RBMS3: variants seen among roughly 807,000 people sequenced by gnomAD.
RBMS3 encodes RNA binding motif single stranded interacting protein 3, also known as RNA-binding motif, single-stranded-interacting protein 3.
RBMS3 carries 27 observed loss-of-function variants against 66.8 expected under a neutral mutation model. The ratio of observed to expected loss-of-function variants is 0.40; its 90% CI spans 0.30 to 0.56. The LOEUF (loss-of-function observed/expected upper bound fraction) is 0.56, where lower values mean the gene tolerates loss of function less well. Among genes scored for constraint, RBMS3 ranks in the 20% least tolerant of loss-of-function variants. The probability of loss-of-function intolerance (pLI) is 0.40; values close to 1 mark genes in which losing one functional copy is unlikely to be tolerated. For synonymous variants in RBMS3, 188 were observed against 183.0 expected (o/e 1.03, Z -0.22); for missense variants, 513 against 549.5 (o/e 0.93, Z 0.66).
chr3:29,979,303 T>C (rs12638100), intron 12 of RBMS3, among the ~76,000 whole-genome samples: 3,931 of 152,314 alleles, frequency 0.026, 122 homozygotes, highest in East Asian at 0.17. Context: ...GTGAATTGCA[T>C]GACAGGCAGT....
At position 29,527,181 on chromosome 3, in the gene RBMS3, T is replaced by TTAAAAAAAAAAAAAAAAAA. The variant is rs1491567884; in HGVS notation, c.307+38682_307+38683insTAAAAAAAAAAAAAAAAAA. The stretch of plus-strand genomic sequence containing the variant: ...TTTCAGACGTGATTGTTAGGTAGAG[T>TTAAAAAAAAAAAAAAAAAA]AAAAAAAAAAAAAAAAAAAAAAAAA... On this transcript the variant is annotated intron_variant, in intron 3 of 14. Transcript: ENST00000383767. 2.4e-3 allele frequency among the ~76,000 whole-genome samples: 213 copies of TTAAAAAAAAAAAAAAAAAA among 87,816 alleles called. 29 individuals carry two copies. The highest frequency in any genetic ancestry group is 5.9e-3 in the African/African-American group (124 of 21,070). The allele number at this position is 87,816 out of a possible 152,430, so 57.6% of individuals were successfully genotyped here.
At chr3:29,471,977 A>G (rs899243460) in intron 2 of RBMS3, among the ~76,000 whole-genome samples, 17 of 152,064 alleles carry the variant, frequency 1.1e-4, no homozygotes, top group Non-Finnish European at 1.8e-4. Flanking sequence ...CTCCATGTCT[A>G]TGTATCTCAT....
chr3:29,869,504 T>C (rs1400928632), intron 7 of RBMS3, among the ~76,000 whole-genome samples: 1 of 152,078 alleles, frequency 6.6e-6, no homozygotes, highest in Non-Finnish European at 1.5e-5. Flanking sequence ...AAATAAGATA[T>C]TGTCTTGGTC....
intron 1 of RBMS3, among the ~76,000 whole-genome samples, chr3:29,359,567 A>C (rs1048564874): frequency 6.6e-6 from 1 of 152,078 alleles, no homozygotes; most frequent in African/African-American, 2.4e-5. Context: ...TCATAAAGTG[A>C]GTTAGGGAGG....
At chr3:29,923,555 C>G (rs746221082) in intron 10 of RBMS3, among the ~76,000 whole-genome samples, 2 of 151,962 alleles carry the variant, frequency 1.3e-5, no homozygotes, top group Non-Finnish European at 2.9e-5. Context: ...GCTGACCGTT[C>G]ATTTCCTTGC....
At chr3:29,328,727 C>G (rs2125508302) in intron 1 of RBMS3, among the ~76,000 whole-genome samples, 1 of 152,226 alleles carries the variant, frequency 6.6e-6, no homozygotes, top group East Asian at 1.9e-4. Flanking sequence ...TGGGTTAGAT[C>G]TCTCATAAAG....
intron 4 of RBMS3, among the ~76,000 whole-genome samples, chr3:29,704,160 A>C (rs1414621212): frequency 6.6e-6 from 1 of 152,220 alleles, no homozygotes; most frequent in East Asian, 1.9e-4. Flanking sequence ...ATGTAATAGA[A>C]ATAAACTGCA....
chr3:29,654,610 T>A (rs561517294), intron 4 of RBMS3, among the ~76,000 whole-genome samples: 13 of 150,938 alleles, frequency 8.6e-5, no homozygotes, highest in South Asian at 2.1e-4. Flanking sequence ...TTTTTTTTTT[T>A]GAGAGAGTTT....
chr3:29,389,861 A>G (rs778932455), intron 1 of RBMS3, among the ~76,000 whole-genome samples: 3 of 152,098 alleles, frequency 2.0e-5, no homozygotes, highest in Admixed American at 6.5e-5. Context: ...TTGAGTGCTT[A>G]TTAGTGGTAG....
chr3:29,608,636 G>A (rs2048390675), intron 4 of RBMS3, among the ~76,000 whole-genome samples: 1 of 151,966 alleles, frequency 6.6e-6, no homozygotes, highest in African/African-American at 2.4e-5. Flanking sequence ...CTGCATGCAT[G>A]TATTAAACTG....
chr3:29,517,965 T>C (rs1324228798), intron 3 of RBMS3, among the ~76,000 whole-genome samples: 2 of 152,216 alleles, frequency 1.3e-5, no homozygotes, highest in African/African-American at 4.8e-5. Context: ...ATAATCATTC[T>C]TGTAGCTTTT....
chr3:29,539,223 CA>C (rs780354168), intron 3 of RBMS3, among the ~76,000 whole-genome samples: 1 of 151,848 alleles, frequency 6.6e-6, no homozygotes, highest in East Asian at 1.9e-4. Context: ...ATTGTCGATG[CA>C]AAAAAATAAA....
chr3:29,701,282 G>GA (rs927888779), intron 4 of RBMS3, among the ~76,000 whole-genome samples: 95 of 137,952 alleles, frequency 6.9e-4, no homozygotes, highest in African/African-American at 1.7e-3. Flanking sequence ...TGTCTCAAAA[G>GA]AAAAAAAAAA....
At chr3:29,838,819 T>G (rs2058593881) in intron 6 of RBMS3, among the ~76,000 whole-genome samples, 1 of 152,224 alleles carries the variant, frequency 6.6e-6, no homozygotes, top group Non-Finnish European at 1.5e-5. Flanking sequence ...TCAACTGGAA[T>G]ATTTTTGTTT....
chr3:29,687,765 G>C (rs549278243), intron 4 of RBMS3, among the ~76,000 whole-genome samples: 14 of 152,234 alleles, frequency 9.2e-5, no homozygotes, highest in Non-Finnish European at 1.9e-4. Context: ...ATGCTGAGAA[G>C]ATACCAATAT....
At chr3:29,760,782 T>C (rs2055646879) in intron 5 of RBMS3, among the ~76,000 whole-genome samples, 1 of 152,144 alleles carries the variant, frequency 6.6e-6, no homozygotes, top group Non-Finnish European at 1.5e-5. Flanking sequence ...GAGGAAAGAT[T>C]CCGCTTGCCT....
At chr3:29,816,511 T>C (rs1240388590) in intron 6 of RBMS3, among the ~76,000 whole-genome samples, 1 of 152,184 alleles carries the variant, frequency 6.6e-6, no homozygotes, top group South Asian at 2.1e-4. Flanking sequence ...AACCAACTTT[T>C]TTTTTGTTAA....
At position 29,587,125 on chromosome 3, in the gene RBMS3, G is replaced by A. The variant is rs1341455338; in HGVS notation, c.319G>A (p.Val107Ile). Residue 107 changes from valine (V) to isoleucine (I), a missense_variant, in exon 4 of 15, where the codon GTA (valine) becomes ATA (isoleucine). Physicochemically the swap from Val to Ile is conservative, Grantham distance 29 (BLOSUM62 3). Coordinates refer to ENST00000383767, the MANE Select transcript of RBMS3 (RefSeq NM_001003793.3). ...TTGTGTTTTCACAGGTTATGGTTTT[G>A]TAGATTTTGACAGTCCTGCAGCCGC... ...NTNQCKGYGF[V>I]DFDSPAAAQK... 1.2e-6 allele frequency: 2 copies of A among 1,600,052 alleles called. No individual in the cohort carries two copies. Among genetic ancestry groups the A allele is most frequent in the East Asian group, 2.3e-5 (1 of 43,668 alleles).
rs144089493 is a variant in RBMS3, at chr3:29,497,973, A to T, written c.307+9474A>T. ...TCAGAGTTATTCTCTAAAAGTATTC[A>T]TTTTTTTTTTTTTTTTTTTTTTTTT... On this transcript the variant is annotated intron_variant, in intron 3 of 14. Transcript: ENST00000383767. Among the ~76,000 whole-genome samples the T allele has an allele frequency of 8.9e-3, 384 of 43,180 alleles. 3 individuals carry two copies. Among genetic ancestry groups the T allele is most frequent in the Middle Eastern group, 0.023 (1 of 44 alleles). The allele number at this position is 43,180 out of a possible 152,430, so 28.3% of individuals were successfully genotyped here. A position where few individuals can be genotyped will look rare whatever the true frequency, so the allele number is the denominator to read the frequency against.
Sources: allele counts gnomAD v4.1 joint callset (sites outside exome capture counted in the v4.1 genomes callset), GRCh38; gene constraint gnomAD v4.1.1; transcripts MANE v1.5; gene names NCBI Gene and HGNC (gene_info 2026-07-23, HGNC 2026-07-21).